PLCB1: variants seen among roughly 807,000 people sequenced by gnomAD.
PLCB1 encodes the protein 1-phosphatidylinositol 4,5-bisphosphate phosphodiesterase beta-1.
A neutral mutation model predicts 161.8 loss-of-function variants in PLCB1; 46 were observed. The observed-to-expected ratio is 0.28, with a 90% CI of 0.22 to 0.36. PLCB1 has a LOEUF of 0.36. Ranked by LOEUF, PLCB1 falls within the 10% of genes least tolerant of loss-of-function variation. The pLI, the probability that PLCB1 is intolerant of heterozygous loss-of-function variation, is 1.00. For synonymous variants in PLCB1, 517 were observed against 503.7 expected (o/e 1.03, Z -0.35); for missense variants, 1,016 against 1,472.5 (o/e 0.69, Z 5.07).
intron 3 of PLCB1, among the ~76,000 whole-genome samples, chr20:8,493,290 C>A (rs1983024204): frequency 6.6e-6 from 1 of 152,078 alleles, no homozygotes; most frequent in African/African-American, 2.4e-5. Context: ...AAGTGGCAAA[C>A]ATGAACACTG....
intron 31 of PLCB1, among the ~76,000 whole-genome samples, chr20:8,812,143 A>T (rs2146253658): frequency 6.6e-6 from 1 of 152,296 alleles, no homozygotes; most frequent in South Asian, 2.1e-4. Context: ...CTATATACCC[A>T]AAGATGACAG....
chr20:8,769,476 G>C (rs546721161), intron 26 of PLCB1, among the ~76,000 whole-genome samples: 1 of 151,944 alleles, frequency 6.6e-6, no homozygotes, highest in South Asian at 2.1e-4. Context: ...CTATACTATA[G>C]TATATAAATT....
At chr20:8,140,424 T>C (rs1440801911) in intron 1 of PLCB1, among the ~76,000 whole-genome samples, 2 of 152,350 alleles carry the variant, frequency 1.3e-5, no homozygotes, top group East Asian at 3.8e-4. Context: ...CTAAGTATCC[T>C]ACATAGTTTT....
chr20:8,451,449 G>A (rs568899070), intron 3 of PLCB1, among the ~76,000 whole-genome samples: 1 of 152,262 alleles, frequency 6.6e-6, no homozygotes, highest in East Asian at 1.9e-4. Context: ...CTGGGTTCAA[G>A]CGATTCTCAT....
intron 31 of PLCB1, chr20:8,802,452 G>T: frequency 2.8e-6 from 1 of 361,232 alleles, no homozygotes; most frequent in Non-Finnish European, 4.9e-6. Context: ...TTTCTCTATT[G>T]GCAAATTTGG....
Position 8,235,786 on chromosome 20 carries a change from T to C in PLCB1, c.177+85415T>C, listed in dbSNP as rs73607862. On this transcript the variant is annotated intron_variant, in intron 2 of 31. Transcript: ENST00000338037. ...ACGGAAATTATTTCTAAAATACTTT[T>C]ATAAAATGAGAAAGTTTTTTATGTC... Among the ~76,000 whole-genome samples, 1,351 of 152,204 alleles carry C rather than the reference T, an allele frequency of 8.9e-3. 27 individuals carry two copies. Among genetic ancestry groups the C allele is most frequent in the African/African-American group, 0.031 (1,299 of 41,568 alleles).
intron 3 of PLCB1, among the ~76,000 whole-genome samples, chr20:8,433,877 T>C (rs79758580): frequency 4.3e-4 from 66 of 152,298 alleles, no homozygotes; most frequent in African/African-American, 1.5e-3. Flanking sequence ...AGAAGAGTCA[T>C]GGGTAGCACC....
intron 26 of PLCB1, among the ~76,000 whole-genome samples, chr20:8,768,973 C>A (rs1259887368): frequency 6.6e-6 from 1 of 152,064 alleles, no homozygotes; most frequent in Non-Finnish European, 1.5e-5. Flanking sequence ...ATAGTATGAA[C>A]TTCTTGACAA....
At position 8,657,197 on chromosome 20, in the gene PLCB1, C is replaced by A; in HGVS notation, c.608C>A (p.Pro203His). 1 of 1,602,366 alleles carries A rather than the reference C, an allele frequency of 6.2e-7. No homozygotes were observed. Among genetic ancestry groups the A allele is most frequent in the Non-Finnish European group, 8.5e-7 (1 of 1,169,676 alleles). ...TTTATTTCCCAGAATGATTCAATAC[C>A]TCAAGAAGATTTCACTCCAGAAGTG... is the stretch of plus-strand genomic sequence containing the variant. The part of the protein sequence containing the change: ...SLPSSRNDSI[P>H]QEDFTPEVYR... The change falls in exon 8 of 32, where the codon CCT becomes CAT. Residue 203 changes from proline to histidine, a missense_variant. By Grantham distance (77) the Pro-to-His change is moderately conservative. Transcript: ENST00000338037.
At chr20:8,364,844 C>T (rs1045192066) in intron 2 of PLCB1, among the ~76,000 whole-genome samples, 2 of 152,194 alleles carry the variant, frequency 1.3e-5, no homozygotes, top group African/African-American at 4.8e-5. Flanking sequence ...ACCTATAACA[C>T]ATAAAAGTGA....
intron 9 of PLCB1, among the ~76,000 whole-genome samples, chr20:8,677,650 C>T (rs187188818): frequency 1.3e-5 from 2 of 152,192 alleles, no homozygotes; most frequent in Admixed American, 1.3e-4. Flanking sequence ...ACAGGCCACA[C>T]ACCTGTTTTT....
At chr20:8,820,556 C>T (rs1985293347) in intron 31 of PLCB1, among the ~76,000 whole-genome samples, 1 of 152,040 alleles carries the variant, frequency 6.6e-6, no homozygotes, top group South Asian at 2.1e-4. Flanking sequence ...TGCAAACACT[C>T]TGAAAAACAA....
rs189903928 is a variant in PLCB1, at chr20:8,438,735, T to C, written c.246+67285T>C. Among the ~76,000 whole-genome samples, 69 of 152,290 alleles carry C rather than the reference T, an allele frequency of 4.5e-4. No individual in the cohort carries two copies. In the East Asian group the frequency reaches 0.011, roughly 25 times the overall value. ...CTTTATGGCTTATGGACAGCAACCATTGGGTTCAGGTCTTTGCCCCATTTC... is the reference window on the plus strand; with the variant it reads ...CTTTATGGCTTATGGACAGCAACCACTGGGTTCAGGTCTTTGCCCCATTTC... On this transcript the variant is annotated intron_variant, in intron 3 of 31. Transcript: ENST00000338037.
chr20:8,403,481 G>A (rs998639566), intron 3 of PLCB1, among the ~76,000 whole-genome samples: 1 of 152,220 alleles, frequency 6.6e-6, no homozygotes, highest in Non-Finnish European at 1.5e-5. Context: ...GAAGTGTTTG[G>A]AAATATTAGA....
At chr20:8,741,784 C>G (rs374049956) in intron 23 of PLCB1, among the ~76,000 whole-genome samples, 1 of 152,184 alleles carries the variant, frequency 6.6e-6, no homozygotes, top group Non-Finnish European at 1.5e-5. Context: ...GTGGATACCA[C>G]GAGCATCTTA....
At chr20:8,557,857 G>A (rs1240827052) in intron 3 of PLCB1, among the ~76,000 whole-genome samples, 1 of 151,808 alleles carries the variant, frequency 6.6e-6, no homozygotes, top group Non-Finnish European at 1.5e-5. Flanking sequence ...AAAATGTCTT[G>A]TTCTCAACAA....
intron 2 of PLCB1, among the ~76,000 whole-genome samples, chr20:8,225,520 G>A (rs1979634545): frequency 1.3e-5 from 2 of 152,162 alleles, no homozygotes; most frequent in Admixed American, 6.5e-5. Context: ...ATAGTTTCTT[G>A]ATATCTTGTG....
chr20:8,300,935 C>G (rs1983882687), intron 2 of PLCB1, among the ~76,000 whole-genome samples: 1 of 152,188 alleles, frequency 6.6e-6, no homozygotes, highest in African/African-American at 2.4e-5. Context: ...ATTGGCCCTC[C>G]TACTACAAGG....
chr20:8,651,935 A>G (rs1989333338), intron 7 of PLCB1: 1 of 158,252 alleles, frequency 6.3e-6, no homozygotes, highest in African/African-American at 2.4e-5. Flanking sequence ...CATGCAAAGA[A>G]TTTTTTTCCT....
Sources: allele counts gnomAD v4.1 joint callset (sites outside exome capture counted in the v4.1 genomes callset), GRCh38; gene constraint gnomAD v4.1.1; transcripts MANE v1.5; gene names NCBI Gene and HGNC (gene_info 2026-07-23, HGNC 2026-07-21).